PCSK5: variants seen among roughly 807,000 people sequenced by gnomAD.
PCSK5 encodes the protein prohormone convertase 5.
In PCSK5, 129 loss-of-function variants were observed where a neutral mutation model predicts 233.2. The ratio of observed to expected loss-of-function variants is 0.55; its 90% CI spans 0.48 to 0.64. PCSK5 has a LOEUF of 0.64. Among genes scored for constraint, PCSK5 ranks in the 30% least tolerant of loss-of-function variants. The probability of loss-of-function intolerance (pLI) is 0.00; values close to 1 mark genes in which losing one functional copy is unlikely to be tolerated. For missense variants in PCSK5, 2,076 were observed against 2,430.1 expected (o/e 0.85, Z 3.06); for synonymous variants, 825 against 879.2 (o/e 0.94, Z 1.09).
chr9:76,128,093 T>C (rs1352684767), intron 9 of PCSK5, among the ~76,000 whole-genome samples: 1 of 152,208 alleles, frequency 6.6e-6, no homozygotes, highest in African/African-American at 2.4e-5. Context: ...TCTGTGGGCC[T>C]AGAACTGCAT....
intron 2 of PCSK5, among the ~76,000 whole-genome samples, chr9:75,964,238 C>G (rs2131349920): frequency 6.6e-6 from 1 of 152,248 alleles, no homozygotes; most frequent in South Asian, 2.1e-4. Flanking sequence ...AATCTAAATT[C>G]CATACTTAGG....
At chr9:76,214,632 G>C (rs1002160718) in intron 20 of PCSK5, among the ~76,000 whole-genome samples, 1 of 152,086 alleles carries the variant, frequency 6.6e-6, no homozygotes, top group Non-Finnish European at 1.5e-5. Context: ...CTCCCAACAG[G>C]GTCAAGTTAT....
rs147129486 is a variant in PCSK5, at chr9:76,182,116, G to A, written c.2197+525G>A. ...ATAAACCATATTGTTTATACAAACA[G>A]TTTAGACAAAGTGAGCCACTCTTTT... On this transcript the variant is annotated intron_variant, in intron 16 of 37. Transcript: ENST00000674117. Among the ~76,000 whole-genome samples, 988 of 152,228 alleles carry A rather than the reference G, an allele frequency of 6.5e-3. 26 individuals are homozygous for A. Among genetic ancestry groups the A allele is most frequent in the Admixed American group, 0.056 (857 of 15,286 alleles).
At chr9:76,003,621 T>C (rs1465922844) in intron 3 of PCSK5, among the ~76,000 whole-genome samples, 1 of 152,210 alleles carries the variant, frequency 6.6e-6, no homozygotes, top group African/African-American at 2.4e-5. Context: ...TATTGCAGAA[T>C]GCATCTCCTA....
intron 12 of PCSK5, among the ~76,000 whole-genome samples, chr9:76,162,563 G>C (rs1339080895): frequency 6.6e-6 from 1 of 152,078 alleles, no homozygotes; most frequent in African/African-American, 2.4e-5. Flanking sequence ...GAAGAGGTCA[G>C]GTTTTAGAAG....
At chr9:76,193,071 G>A (rs1241653117) in intron 20 of PCSK5, among the ~76,000 whole-genome samples, 1 of 150,784 alleles carries the variant, frequency 6.6e-6, no homozygotes, top group Non-Finnish European at 1.5e-5. Context: ...GCGGTTGACT[G>A]AAATCACTTT....
At chr9:76,296,195 C>T (rs1274716158) in intron 26 of PCSK5, among the ~76,000 whole-genome samples, 1 of 152,166 alleles carries the variant, frequency 6.6e-6, no homozygotes, top group Non-Finnish European at 1.5e-5. Context: ...GAACACCTGA[C>T]CTCAGGTGAT....
chr9:76,027,761 A>G (rs1828490871), intron 5 of PCSK5, among the ~76,000 whole-genome samples: 1 of 152,100 alleles, frequency 6.6e-6, no homozygotes, highest in Non-Finnish European at 1.5e-5. Context: ...ATTAGTAGAC[A>G]TTTCTAATCT....
chr9:76,112,768 G>A (rs947799745), intron 9 of PCSK5, among the ~76,000 whole-genome samples: 1 of 151,998 alleles, frequency 6.6e-6, no homozygotes, highest in Non-Finnish European at 1.5e-5. Context: ...CATTAGGGAA[G>A]CAAATGTACA....
chr9:75,931,074 C>T (rs1823769370), intron 1 of PCSK5, among the ~76,000 whole-genome samples: 1 of 152,122 alleles, frequency 6.6e-6, no homozygotes, highest in Non-Finnish European at 1.5e-5. Flanking sequence ...AAATGTGAGA[C>T]TTAGACTTTG....
At chr9:76,321,727 T>C (rs1248301444) in intron 31 of PCSK5, 88 bp downstream of exon 31, 2 of 766,092 alleles carry the variant, frequency 2.6e-6, no homozygotes, top group Non-Finnish European at 4.3e-6. Context: ...CAAAGAGCTG[T>C]GGGAACCAGT....
chr9:76,280,545 C>A (rs1827832199), intron 24 of PCSK5, among the ~76,000 whole-genome samples: 1 of 152,014 alleles, frequency 6.6e-6, no homozygotes, highest in South Asian at 2.1e-4. Context: ...AATTAGAGAC[C>A]AGCCTGGGCA....
chr9:76,064,529 CCGGA>C (rs1473073224), intron 5 of PCSK5, among the ~76,000 whole-genome samples: 1 of 149,246 alleles, frequency 6.7e-6, no homozygotes, highest in Non-Finnish European at 1.5e-5. Flanking sequence ...AACCTCCCTC[CCGGA>C]CGGGGTGGCT....
intron 1 of PCSK5, among the ~76,000 whole-genome samples, chr9:75,926,622 C>A (rs570776406): frequency 2.0e-5 from 3 of 152,326 alleles, no homozygotes; most frequent in Non-Finnish European, 2.9e-5. Flanking sequence ...CCCAGGCTAT[C>A]ACTGATCTGT....
chr9:75,957,056 C>T (rs1403847304), intron 2 of PCSK5, among the ~76,000 whole-genome samples: 1 of 152,102 alleles, frequency 6.6e-6, no homozygotes, highest in East Asian at 1.9e-4. Context: ...CCCTGGCATC[C>T]TACACAGAGG....
intron 2 of PCSK5, among the ~76,000 whole-genome samples, chr9:75,961,869 A>G (rs1297805184): frequency 6.6e-6 from 1 of 152,214 alleles, no homozygotes; most frequent in Non-Finnish European, 1.5e-5. Context: ...CAATGTGGAC[A>G]CTAGTAAATT....
At chr9:76,141,244 C>CT (rs1460924084) in intron 10 of PCSK5, among the ~76,000 whole-genome samples, 11 of 152,146 alleles carry the variant, frequency 7.2e-5, no homozygotes, top group African/African-American at 2.6e-4. Flanking sequence ...TCAAGAGAGT[C>CT]TTAGCAAAGT....
chr9:75,971,246 C>T (rs1351125276), intron 2 of PCSK5, among the ~76,000 whole-genome samples: 2 of 152,138 alleles, frequency 1.3e-5, no homozygotes, highest in Non-Finnish European at 2.9e-5. Flanking sequence ...ATCCGTGTCC[C>T]TGCAAAGGAC....
At chr9:76,111,996 T>C (rs1832237986) in intron 9 of PCSK5, among the ~76,000 whole-genome samples, 1 of 152,236 alleles carries the variant, frequency 6.6e-6, no homozygotes, top group South Asian at 2.1e-4. Context: ...TAATAAGTTG[T>C]ACTGAAAGTT....
Sources: gnomAD v4.1 joint callset for allele counts (sites outside exome capture counted in the v4.1 genomes callset) on GRCh38, gnomAD v4.1.1 for gene constraint, MANE v1.5 for transcripts, NCBI Gene and HGNC (gene_info 2026-07-23, HGNC 2026-07-21) for gene names.